The following TTC9 variants were observed in gnomAD, a reference collection of about 807,000 sequenced individuals.
The protein encoded by TTC9 is tetratricopeptide repeat protein 9A.
In TTC9, 13 loss-of-function variants were observed where a neutral mutation model predicts 22.9. The ratio of observed to expected loss-of-function variants is 0.57; its 90% confidence interval spans 0.37 to 0.90. The LOEUF (loss-of-function observed/expected upper bound fraction) is 0.90. Ranked by LOEUF, TTC9 falls within the 40% of genes least tolerant of loss-of-function variation. The pLI, the probability that TTC9 is intolerant of heterozygous loss-of-function variation, is 0.01. For missense variants in TTC9, 280 were observed against 291.8 expected, an observed-to-expected ratio of 0.96 and a Z score of 0.29; for synonymous variants, 148 against 133.2, an observed-to-expected ratio of 1.11 and a Z score of -0.77.
rs559536484 is a variant in TTC9, at chr14:70,660,974, T to A, written c.407-6590T>A. Among the ~76,000 whole-genome samples, 6 of 152,328 alleles carry A rather than the reference T, an allele frequency of 3.9e-5. No individual in the cohort carries two copies. The South Asian group carries it at 1.2e-3, about 32-fold the overall frequency. ...GCAAGGTATATTAGTTTCCTAAGGC[T>A]GCTGTAATATCACACACTGGGTGAC... On this transcript the variant is annotated intron_variant, in intron 1 of 2. Transcript: ENST00000256367.
chr14:70,642,971 C>T (rs201366891), intron 1 of TTC9, among the ~76,000 whole-genome samples: 1 of 152,218 alleles, frequency 6.6e-6, no homozygotes, highest in East Asian at 1.9e-4. Context: ...GATTGGTCCT[C>T]GCCTTTTCCC....
At chr14:70,669,807 G>A (rs1299416070) in intron 2 of TTC9, among the ~76,000 whole-genome samples, 1 of 152,092 alleles carries the variant, frequency 6.6e-6, no homozygotes, top group East Asian at 1.9e-4. Context: ...CTGCCAGCAC[G>A]GTTCTGGAGG....
chr14:70,657,672 C>T lies in TTC9; in HGVS notation c.407-9892C>T, dbSNP rs186589409. ...ATAGGTATTGGAGTGAACAAAGAAA[C>T]GGCTACTTGTGGGCCAGACACGGTG... On this transcript the variant is annotated intron_variant, in intron 1 of 2. Transcript: ENST00000256367. Among the ~76,000 whole-genome samples the T allele has an allele frequency of 7.2e-5, 11 of 152,212 alleles. No individual in the cohort carries two copies. In the East Asian group the frequency reaches 1.2e-3, roughly 16 times the overall value.
In TTC9 at chr14:70,674,524, C is replaced by A. The variant is rs1299432449; in HGVS notation, c.*3369C>A. ...ATATTTTAGAATATGTAATCCTACA[C>A]AGATACAAAATTCAAAAAGTACAAA... On this transcript the variant is annotated 3_prime_UTR_variant, in exon 3 of 3. Transcript: ENST00000256367. 6.6e-6 allele frequency: 1 copy of A among 152,180 alleles called. No homozygotes were observed. The highest frequency in any genetic ancestry group is 2.4e-5 in the African/African-American group (1 of 41,450). 9.4% of individuals were successfully genotyped at this position (152,180 alleles called of 1,614,324 possible).
chr14:70,659,120 A>ACACACACACGCG (rs1491246365), intron 1 of TTC9, among the ~76,000 whole-genome samples: 1,325 of 109,962 alleles, frequency 0.012, 18 homozygotes, highest in African/African-American at 0.044. Context: ...ATATAACTAA[A>ACACACACACGCG]CACACACACA....
intron 1 of TTC9, among the ~76,000 whole-genome samples, chr14:70,657,849 C>T (rs1319172616): frequency 6.6e-6 from 1 of 152,116 alleles, no homozygotes; most frequent in African/African-American, 2.4e-5. Flanking sequence ...ACCTGTAATC[C>T]CAGCTACTTG....
Position 70,673,101 on chromosome 14 carries a change from G to A in TTC9, c.*1946G>A, listed in dbSNP as rs1490151076. The A allele has an allele frequency of 1.3e-5, 2 of 152,196 alleles. No homozygotes were observed. Among genetic ancestry groups the A allele is most frequent in the African/African-American group, 4.8e-5 (2 of 41,424 alleles). The allele number at this position is 152,196 out of a possible 1,614,324, so 9.4% of individuals were successfully genotyped here. A position where few individuals can be genotyped will look rare whatever the true frequency, so the allele number is the denominator to read the frequency against. The stretch of plus-strand genomic sequence containing the variant: ...AGAAAAAGGCAGCTGAGGTCCAATA[G>A]TTATGTCTGTGTATTGCTCATTCTA... On this transcript the variant is annotated 3_prime_UTR_variant, in exon 3 of 3. Coordinates refer to ENST00000256367, the MANE Select transcript of TTC9 (RefSeq NM_015351.2).
At chr14:70,646,341 G>A (rs1041140081) in intron 1 of TTC9, among the ~76,000 whole-genome samples, 2 of 152,180 alleles carry the variant, frequency 1.3e-5, no homozygotes, top group African/African-American at 4.8e-5. Flanking sequence ...GGCTACAAAG[G>A]AAGCATGTAT....
intron 1 of TTC9, among the ~76,000 whole-genome samples, chr14:70,658,668 G>A (rs1886099309): frequency 6.6e-6 from 1 of 152,190 alleles, no homozygotes; most frequent in Admixed American, 6.5e-5. Context: ...CAACATCATA[G>A]TTGATGACAA....
chr14:70,651,429 T>A (rs1885983444), intron 1 of TTC9, among the ~76,000 whole-genome samples: 1 of 152,206 alleles, frequency 6.6e-6, no homozygotes, highest in Non-Finnish European at 1.5e-5. Context: ...GAAGAAAACA[T>A]AACCTACAAA....
intron 1 of TTC9, among the ~76,000 whole-genome samples, chr14:70,657,262 G>C (rs940984134): frequency 2.6e-5 from 4 of 152,206 alleles, no homozygotes; most frequent in African/African-American, 9.7e-5. Flanking sequence ...GCCACGATGA[G>C]TGAATCCTTA....
chr14:70,655,220 C>G (rs1482732722), intron 1 of TTC9, among the ~76,000 whole-genome samples: 4 of 152,092 alleles, frequency 2.6e-5, no homozygotes, highest in African/African-American at 7.2e-5. Flanking sequence ...ATGGGGAAAC[C>G]CTGTCTCTAC....
At chr14:70,656,210 TACACACACACACACACAC>T (rs34334641) in intron 1 of TTC9, among the ~76,000 whole-genome samples, 1 of 147,910 alleles carries the variant, frequency 6.8e-6, no homozygotes, top group Non-Finnish European at 1.5e-5. Context: ...TTCACCCTGA[TACACACACACACACACAC>T]ACACACACAC....
At chr14:70,656,926 C>A (rs1426220970) in intron 1 of TTC9, among the ~76,000 whole-genome samples, 1 of 152,206 alleles carries the variant, frequency 6.6e-6, no homozygotes, top group African/African-American at 2.4e-5. Flanking sequence ...GTCTACTACA[C>A]CAAAGTCAAG....
intron 1 of TTC9, among the ~76,000 whole-genome samples, chr14:70,662,236 C>G (rs1207268990): frequency 6.6e-6 from 1 of 152,140 alleles, no homozygotes; most frequent in Non-Finnish European, 1.5e-5. Flanking sequence ...CCAAGTATAT[C>G]CACAGAGTCC....
intron 1 of TTC9, among the ~76,000 whole-genome samples, chr14:70,645,131 A>G (rs1157592520): frequency 6.6e-6 from 1 of 152,194 alleles, no homozygotes; most frequent in African/African-American, 2.4e-5. Context: ...AAAATAAAAA[A>G]TAAAAAAGTC....
chr14:70,659,128 A>ACG (rs1555362244), intron 1 of TTC9, among the ~76,000 whole-genome samples: 12,106 of 136,764 alleles, frequency 0.089, 562 homozygotes, highest in African/African-American at 0.12. Context: ...AAACACACAC[A>ACG]CACGCACACA....
At chr14:70,655,723 T>C (rs2139644564) in intron 1 of TTC9, among the ~76,000 whole-genome samples, 1 of 152,318 alleles carries the variant, frequency 6.6e-6, no homozygotes, top group East Asian at 1.9e-4. Context: ...TGCTGCTACT[T>C]CCTTTTCACA....
chr14:70,659,163 T>C lies in TTC9; in HGVS notation c.407-8401T>C, dbSNP rs867351600. On this transcript the variant is annotated intron_variant, in intron 1 of 2. Transcript: ENST00000256367. ...ACACACACACACACACACACACACA[T>C]ACTGGGTACAAGTAAAGCTAGGGAA... Among the ~76,000 whole-genome samples, 74 of 96,586 alleles carry C rather than the reference T, an allele frequency of 7.7e-4. 1 individual carries two copies. The South Asian group carries it at 0.022, about 29-fold the overall frequency. The allele number at this position is 96,586 out of a possible 152,430, so 63.4% of individuals were successfully genotyped here. A position where few individuals can be genotyped will look rare whatever the true frequency, so the allele number is the denominator to read the frequency against.
Sources: gnomAD v4.1 joint callset for allele counts (sites outside exome capture counted in the v4.1 genomes callset) on GRCh38, gnomAD v4.1.1 for gene constraint, MANE v1.5 for transcripts, NCBI Gene and HGNC (gene_info 2026-07-23, HGNC 2026-07-21) for gene names.